Variants in HTR2C observed in about 807,000 individuals in gnomAD.
The protein encoded by HTR2C is 5-hydroxytryptamine receptor 2C.
A neutral mutation model predicts 21.0 loss-of-function variants in HTR2C; 5 were observed. The observed-to-expected ratio is 0.24, with a 90% confidence interval of 0.12 to 0.50. The LOEUF (loss-of-function observed/expected upper bound fraction) is 0.50. Ranked by LOEUF, HTR2C falls within the 20% of genes least tolerant of loss-of-function variation. HTR2C has a pLI of 0.98. For missense variants in HTR2C, 271 were observed against 371.2 expected, an observed-to-expected ratio of 0.73 and a Z score of 2.22; for synonymous variants, 150 against 145.3, an observed-to-expected ratio of 1.03 and a Z score of -0.23.
intron 2 of HTR2C, among the ~76,000 whole-genome samples, chrX:114,691,482 T>C (rs1383532772): frequency 8.9e-6 from 1 of 112,118 alleles, no homozygotes; most frequent in African/African-American, 3.2e-5. Context: ...GTTGACTCTC[T>C]ATCTTTGACA....
At chrX:114,810,916 A>T (rs9887382) in intron 4 of HTR2C, among the ~76,000 whole-genome samples, 4,778 of 111,058 alleles carry the variant, frequency 0.043, 256 homozygotes, top group African/African-American at 0.15. Flanking sequence ...TGATTAAATG[A>T]TAGTGATAGT....
At chrX:114,876,536 C>G (rs933793318) in intron 5 of HTR2C, among the ~76,000 whole-genome samples, 1 of 99,795 alleles carries the variant, frequency 1.0e-5, no homozygotes. Flanking sequence ...GGAAAAATTT[C>G]ACATTTTGTC....
At chrX:114,863,760 C>G (rs1475086972) in intron 5 of HTR2C, among the ~76,000 whole-genome samples, 1 of 111,465 alleles carries the variant, frequency 9.0e-6, no homozygotes, top group Non-Finnish European at 1.9e-5. Context: ...TATTGTATTG[C>G]TATCCATTTT....
intron 5 of HTR2C, among the ~76,000 whole-genome samples, chrX:114,905,875 A>G (rs1262067154): frequency 9.0e-6 from 1 of 111,575 alleles, no homozygotes; most frequent in African/African-American, 3.3e-5. Flanking sequence ...ACTACCTCTC[A>G]GTATTCTTAA....
At chrX:114,635,678 T>C (rs923408402) in intron 2 of HTR2C, among the ~76,000 whole-genome samples, 1 of 111,984 alleles carries the variant, frequency 8.9e-6, no homozygotes, top group Admixed American at 9.5e-5. Flanking sequence ...CTAAGGACTA[T>C]GTAAATGATT....
chrX:114,712,139 T>C (rs781825910), intron 2 of HTR2C, among the ~76,000 whole-genome samples: 21 of 112,276 alleles, frequency 1.9e-4, no homozygotes, highest in African/African-American at 6.8e-4. Context: ...CAGCATCATA[T>C]GCAGTTTTGA....
intron 4 of HTR2C, among the ~76,000 whole-genome samples, chrX:114,760,190 C>T (rs1343713669): frequency 7.2e-5 from 8 of 111,547 alleles, no homozygotes; most frequent in Admixed American, 6.7e-4. Flanking sequence ...ATCTATGTAG[C>T]TTTGCAGGAT....
intron 3 of HTR2C, among the ~76,000 whole-genome samples, chrX:114,728,329 A>G (rs2069502824): frequency 9.0e-6 from 1 of 111,534 alleles, no homozygotes; most frequent in South Asian, 3.7e-4. Flanking sequence ...AAAAACAATT[A>G]GGATAAACTT....
intron 1 of HTR2C, among the ~76,000 whole-genome samples, chrX:114,594,760 A>ACTTT (rs200093644): frequency 0.12 from 13,747 of 110,673 alleles, 746 homozygotes; most frequent in South Asian, 0.27. Context: ...CCCAATATCT[A>ACTTT]CTTTCCATTC....
chrX:114,584,721 G>A (rs1009824722), intron 1 of HTR2C, 62 bp downstream of exon 1: 3 of 111,842 alleles, frequency 2.7e-5, no homozygotes, highest in Non-Finnish European at 5.6e-5. Context: ...CGGGGGATGG[G>A]GTGGGGAGCG....
intron 5 of HTR2C, among the ~76,000 whole-genome samples, chrX:114,895,212 G>T (rs2071287358): frequency 8.9e-6 from 1 of 111,863 alleles, no homozygotes; most frequent in East Asian, 2.8e-4. Flanking sequence ...ATAACAAAGT[G>T]TTGTGGAGTT....
At chrX:114,807,960 C>T (rs986198865) in intron 4 of HTR2C, among the ~76,000 whole-genome samples, 6 of 111,422 alleles carry the variant, frequency 5.4e-5, no homozygotes, top group African/African-American at 1.3e-4. Flanking sequence ...CGTGAGCCAC[C>T]GCGCCCGCCC....
At position 114,679,525 on chromosome X, in the gene HTR2C, C is replaced by T. The variant is rs781896392; in HGVS notation, c.-79-47333C>T. Among the ~76,000 whole-genome samples, 25 of 110,809 alleles carry T rather than the reference C, an allele frequency of 2.3e-4. 1 individual carries two copies. The East Asian group carries it at 2.9e-3, about 13-fold the overall frequency. The stretch of plus-strand genomic sequence containing the variant: ...AATTCCCGGACTCAAGTCATCTGCC[C>T]GTCTCGGCCTCCCAAAGTGCTGGAA... On this transcript the variant is annotated intron_variant, in intron 2 of 5. Coordinates refer to ENST00000276198, the MANE Select transcript of HTR2C (RefSeq NM_000868.4).
intron 4 of HTR2C, among the ~76,000 whole-genome samples, chrX:114,789,643 C>A (rs1178542659): frequency 9.0e-6 from 1 of 110,941 alleles, no homozygotes; most frequent in Non-Finnish European, 1.9e-5. Context: ...AACATAGAGA[C>A]CATAGAGGTC....
At chrX:114,715,212 G>A (rs193298262) in intron 2 of HTR2C, 123 of 337,212 alleles carry the variant, frequency 3.6e-4, no homozygotes, top group South Asian at 3.3e-3. Flanking sequence ...TCTTGAAGCC[G>A]AGAAGGAAGA....
At position 114,731,546 on chromosome X, in the gene HTR2C, C is replaced by T. The variant is rs2069537661; in HGVS notation, c.288C>T (p.Ala96=). 2 of 1,207,057 alleles carry T rather than the reference C, an allele frequency of 1.7e-6. No homozygotes were observed. The highest frequency in any genetic ancestry group is 3.5e-5 in the South Asian group (2 of 56,871). Residue 96 remains alanine (A), a synonymous_variant, in exon 4 of 6, where the codon GCC becomes GCT. Coordinates refer to ENST00000276198, the MANE Select transcript of HTR2C (RefSeq NM_000868.4). ...CCAATTACTTCTTAATGTCCCTAGC[C>T]ATTGCTGATATGCTAGTGGGACTAC... is the stretch of plus-strand genomic sequence containing the variant. The part of the protein sequence containing the change: ...NATNYFLMSL[A]IADMLVGLLV...
At chrX:114,852,209 C>G (rs1556469476) in intron 5 of HTR2C, among the ~76,000 whole-genome samples, 8 of 110,386 alleles carry the variant, frequency 7.2e-5, no homozygotes, top group Non-Finnish European at 1.5e-4. Flanking sequence ...GGTTCTGATA[C>G]CAATTGTTCA....
At chrX:114,706,572 AG>A (rs1369111914) in intron 2 of HTR2C, among the ~76,000 whole-genome samples, 37 of 49,442 alleles carry the variant, frequency 7.5e-4, no homozygotes, top group South Asian at 2.0e-3. Context: ...GGGTGGGGGG[AG>A]GGGGGAGGGA....
chrX:114,744,377 A>G (rs1272879652), intron 4 of HTR2C, among the ~76,000 whole-genome samples: 3 of 108,072 alleles, frequency 2.8e-5, no homozygotes, highest in African/African-American at 1.0e-4. Flanking sequence ...GAAAGAAAAT[A>G]AGAAAGTTCA....
Sources: gnomAD v4.1 joint callset for allele counts (sites outside exome capture counted in the v4.1 genomes callset) on GRCh38, gnomAD v4.1.1 for gene constraint, MANE v1.5 for transcripts, NCBI Gene and HGNC (gene_info 2026-07-23, HGNC 2026-07-21) for gene names.